The following ADAM12 variants were observed in gnomAD, a reference collection of about 807,000 sequenced individuals.
The protein encoded by ADAM12 is ADAM metallopeptidase domain 12.
Under a neutral mutation model 106.4 loss-of-function variants are expected in ADAM12, and 70 were observed. That is an observed-to-expected ratio of 0.66 (90% CI 0.54 to 0.80). ADAM12 has a LOEUF of 0.80. Ranked by LOEUF, ADAM12 falls within the 30% of genes least tolerant of loss-of-function variation. The pLI, the probability that ADAM12 is intolerant of heterozygous loss-of-function variation, is 0.00. For synonymous variants in ADAM12, 420 were observed against 433.5 expected (o/e 0.97, Z 0.39); for missense variants, 1,010 against 1,171.9 (o/e 0.86, Z 2.02).
At chr10:126,031,005 A>G (rs1953962312) in intron 21 of ADAM12, among the ~76,000 whole-genome samples, 1 of 152,186 alleles carries the variant, frequency 6.6e-6, no homozygotes, top group Non-Finnish European at 1.5e-5. Flanking sequence ...GGATCAGTCT[A>G]TGCCTTCAGA....
chr10:126,297,339 T>C (rs1023912216), intron 2 of ADAM12, among the ~76,000 whole-genome samples: 3 of 152,136 alleles, frequency 2.0e-5, no homozygotes, highest in Non-Finnish European at 2.9e-5. Flanking sequence ...TGACAGCAAT[T>C]CGAGACCAGC....
At chr10:126,097,737 T>C (rs1955583234) in intron 10 of ADAM12, among the ~76,000 whole-genome samples, 1 of 152,180 alleles carries the variant, frequency 6.6e-6, no homozygotes, top group South Asian at 2.1e-4. Context: ...AATTATCTGA[T>C]GAAGTGGAGC....
intron 3 of ADAM12, among the ~76,000 whole-genome samples, chr10:126,204,630 T>C (rs1336095118): frequency 6.6e-6 from 1 of 152,220 alleles, no homozygotes; most frequent in African/African-American, 2.4e-5. Context: ...AATGAAAATG[T>C]GGCACCTTTG....
At chr10:126,127,176 G>A (rs1378291710) in intron 5 of ADAM12, among the ~76,000 whole-genome samples, 1 of 152,186 alleles carries the variant, frequency 6.6e-6, no homozygotes, top group Non-Finnish European at 1.5e-5. Flanking sequence ...GATCTCCATG[G>A]GAGGAAGCAG....
chr10:126,245,337 T>C (rs560641441), intron 3 of ADAM12, among the ~76,000 whole-genome samples: 1 of 152,186 alleles, frequency 6.6e-6, no homozygotes, highest in South Asian at 2.1e-4. Context: ...CTGAAGAACA[T>C]GGAACTTAGA....
chr10:126,234,368 G>A (rs1201855282), intron 3 of ADAM12, among the ~76,000 whole-genome samples: 1 of 152,178 alleles, frequency 6.6e-6, no homozygotes, highest in Non-Finnish European at 1.5e-5. Flanking sequence ...CAGACACAAA[G>A]CAGTTCAGTA....
At chr10:126,153,864 G>T (rs557999703) in intron 4 of ADAM12, among the ~76,000 whole-genome samples, 1 of 152,174 alleles carries the variant, frequency 6.6e-6, no homozygotes, top group South Asian at 2.1e-4. Context: ...CCATTCCTAC[G>T]CTGGTATTAA....
chr10:126,348,092 G>A (rs1855214998), intron 1 of ADAM12, among the ~76,000 whole-genome samples: 1 of 152,174 alleles, frequency 6.6e-6, no homozygotes, highest in Admixed American at 6.6e-5. Flanking sequence ...GAAAGCCTTT[G>A]TCTTAGCACC....
intron 2 of ADAM12, among the ~76,000 whole-genome samples, chr10:126,319,119 C>T (rs992205466): frequency 1.3e-5 from 2 of 152,096 alleles, no homozygotes; most frequent in Non-Finnish European, 2.9e-5. Flanking sequence ...ACCATAAGAC[C>T]ACATTAATGT....
At chr10:126,272,800 C>T in intron 3 of ADAM12, 1 of 364,948 alleles carries the variant, frequency 2.7e-6, no homozygotes. Context: ...GCCCCTCAGG[C>T]TATGGTCAGC....
chr10:126,133,003 C>G (rs115734455), intron 5 of ADAM12, among the ~76,000 whole-genome samples: 3,325 of 152,238 alleles, frequency 0.022, 140 homozygotes, highest in African/African-American at 0.076. Flanking sequence ...TTTCCCTAAC[C>G]CTTTCCACTG....
At chr10:126,300,457 C>T (rs1489724892) in intron 2 of ADAM12, among the ~76,000 whole-genome samples, 1 of 152,162 alleles carries the variant, frequency 6.6e-6, no homozygotes, top group Admixed American at 6.5e-5. Flanking sequence ...CTCCTAAACC[C>T]TGGCAATAAT....
At chr10:126,374,380 C>T (rs1361745242) in intron 1 of ADAM12, among the ~76,000 whole-genome samples, 2 of 151,864 alleles carry the variant, frequency 1.3e-5, no homozygotes, top group South Asian at 2.1e-4. Context: ...AATCAGCATC[C>T]TAAGAACTTT....
chr10:126,150,570 C>G (rs999586401), intron 4 of ADAM12, among the ~76,000 whole-genome samples: 1 of 152,134 alleles, frequency 6.6e-6, no homozygotes, highest in African/African-American at 2.4e-5. Flanking sequence ...ACACCTCCCC[C>G]ACCCTCTATC....
intron 8 of ADAM12, among the ~76,000 whole-genome samples, chr10:126,101,613 A>T (rs1468934171): frequency 6.6e-6 from 1 of 152,230 alleles, no homozygotes; most frequent in Non-Finnish European, 1.5e-5. Flanking sequence ...ACAATAAGTG[A>T]ATTAGGATCT....
chr10:126,088,724 C>CAA (rs55755010), intron 11 of ADAM12, among the ~76,000 whole-genome samples: 1 of 148,750 alleles, frequency 6.7e-6, no homozygotes, highest in African/African-American at 2.5e-5. Context: ...AAAACAAAAA[C>CAA]AAAAAGAGAG....
At chr10:126,115,460 G>A (rs1241149942) in intron 6 of ADAM12, among the ~76,000 whole-genome samples, 1 of 152,172 alleles carries the variant, frequency 6.6e-6, no homozygotes. Context: ...TGACTGTGAC[G>A]CTCCCTGTTT....
chr10:126,207,995 T>C (rs1489802725), intron 3 of ADAM12, among the ~76,000 whole-genome samples: 1 of 152,232 alleles, frequency 6.6e-6, no homozygotes, highest in Non-Finnish European at 1.5e-5. Flanking sequence ...ATGTACATTT[T>C]AAATAAAGAA....
chr10:126,324,675 C>A (rs1039119591), intron 2 of ADAM12, among the ~76,000 whole-genome samples: 1 of 152,050 alleles, frequency 6.6e-6, no homozygotes, highest in Non-Finnish European at 1.5e-5. Flanking sequence ...GTGTTTCAAA[C>A]CTTACTATTT....
Sources: allele counts gnomAD v4.1 joint callset (sites outside exome capture counted in the v4.1 genomes callset), GRCh38; gene constraint gnomAD v4.1.1; transcripts MANE v1.5; gene names NCBI Gene and HGNC (gene_info 2026-07-23, HGNC 2026-07-21).